TAF4B: variants seen among roughly 807,000 people sequenced by gnomAD.
The protein encoded by TAF4B is transcription initiation factor TFIID subunit 4B.
Under a neutral mutation model 86.4 loss-of-function variants are expected in TAF4B, and 38 were observed. That is an observed-to-expected ratio of 0.44 (90% confidence interval 0.34 to 0.58). The LOEUF (loss-of-function observed/expected upper bound fraction) is 0.58. TAF4B is among the 20% of genes least tolerant of loss of function. The probability of loss-of-function intolerance (pLI) is 0.02; values close to 1 mark genes in which losing one functional copy is unlikely to be tolerated. For missense variants in TAF4B, 988 were observed against 1,027.6 expected (o/e 0.96, Z 0.53); for synonymous variants, 388 against 391.2 (o/e 0.99, Z 0.10).
At chr18:26,388,878 C>T (rs921974798) in intron 14 of TAF4B, among the ~76,000 whole-genome samples, 30 of 152,152 alleles carry the variant, frequency 2.0e-4, no homozygotes, top group Admixed American at 9.8e-4. Context: ...TGCAGTGGCG[C>T]GATCTCAGCT....
At chr18:26,236,153 T>C (rs147069267) in intron 1 of TAF4B, among the ~76,000 whole-genome samples, 124 of 152,316 alleles carry the variant, frequency 8.1e-4, no homozygotes, top group Non-Finnish European at 1.6e-3. Context: ...ATGCAAATAA[T>C]AACTCCAGCT....
chr18:26,242,555 CTT>C (rs762696180), intron 1 of TAF4B, among the ~76,000 whole-genome samples: 6 of 152,094 alleles, frequency 3.9e-5, no homozygotes, highest in Non-Finnish European at 7.4e-5. Flanking sequence ...CAGTCTGTGT[CTT>C]TTAATTGGAA....
intron 1 of TAF4B, among the ~76,000 whole-genome samples, chr18:26,255,003 A>G (rs1424401273): frequency 1.3e-5 from 2 of 152,204 alleles, no homozygotes; most frequent in Non-Finnish European, 1.5e-5. Context: ...GGGCAAGTCC[A>G]TGTTACTGAG....
intron 14 of TAF4B, among the ~76,000 whole-genome samples, chr18:26,362,237 G>A (rs2057337949): frequency 2.6e-5 from 4 of 152,252 alleles, no homozygotes; most frequent in African/African-American, 9.6e-5. Context: ...TGTAAAATGG[G>A]CATATTGCCT....
intron 13 of TAF4B, among the ~76,000 whole-genome samples, chr18:26,353,769 A>G (rs914290269): frequency 1.3e-5 from 2 of 152,254 alleles, no homozygotes; most frequent in African/African-American, 4.8e-5. Context: ...GGAAAGACAA[A>G]TAGATTGGAG....
chr18:26,289,108 G>A (rs549885655), intron 7 of TAF4B, among the ~76,000 whole-genome samples: 54 of 152,206 alleles, frequency 3.5e-4, no homozygotes, highest in African/African-American at 8.4e-4. Flanking sequence ...ATTCTATATG[G>A]TAATGCCATA....
intron 14 of TAF4B, among the ~76,000 whole-genome samples, chr18:26,380,379 A>G (rs572878651): frequency 3.0e-4 from 45 of 152,330 alleles, no homozygotes; most frequent in Non-Finnish European, 6.0e-4. Flanking sequence ...GATATTTCCT[A>G]ACTTCCATCC....
chr18:26,295,809 C>G (rs1352605959), intron 9 of TAF4B, among the ~76,000 whole-genome samples: 1 of 151,948 alleles, frequency 6.6e-6, no homozygotes, highest in Non-Finnish European at 1.5e-5. Context: ...ATCTTTTTGT[C>G]TGAAGAACTT....
intron 14 of TAF4B, among the ~76,000 whole-genome samples, chr18:26,381,168 C>T (rs1369366200): frequency 6.6e-6 from 1 of 151,910 alleles, no homozygotes; most frequent in African/African-American, 2.4e-5. Context: ...GCACACACCA[C>T]CACGCCTGGC....
chr18:26,285,111 G>T (rs535281494), intron 6 of TAF4B, among the ~76,000 whole-genome samples: 2 of 151,076 alleles, frequency 1.3e-5, no homozygotes, highest in Non-Finnish European at 2.9e-5. Flanking sequence ...GGGACTACAG[G>T]CATGCACCAC....
At chr18:26,315,668 A>AT (rs1221051831) in intron 10 of TAF4B, among the ~76,000 whole-genome samples, 6 of 151,070 alleles carry the variant, frequency 4.0e-5, no homozygotes, top group South Asian at 2.1e-4. Context: ...ATAATATACT[A>AT]TTTTTTTTTC....
intron 9 of TAF4B, among the ~76,000 whole-genome samples, chr18:26,312,863 T>C (rs1264126604): frequency 6.6e-6 from 1 of 152,222 alleles, no homozygotes; most frequent in Non-Finnish European, 1.5e-5. Context: ...TTTCTATCTT[T>C]ACTTTTCTTT....
At chr18:26,268,260 T>C (rs966416152) in intron 3 of TAF4B, among the ~76,000 whole-genome samples, 8 of 152,202 alleles carry the variant, frequency 5.3e-5, no homozygotes, top group Non-Finnish European at 2.9e-5. Context: ...GGCTACTCCT[T>C]GCATCACTTG....
intron 14 of TAF4B, among the ~76,000 whole-genome samples, chr18:26,374,012 G>A (rs2144354449): frequency 6.6e-6 from 1 of 152,286 alleles, no homozygotes; most frequent in East Asian, 1.9e-4. Context: ...ATAGATACTT[G>A]TTAAACTGAA....
In TAF4B at chr18:26,335,301, A is replaced by C. The variant is rs528215592; in HGVS notation, c.2316+70A>C. 4 of 1,363,614 alleles carry C rather than the reference A, an allele frequency of 2.9e-6. No individual in the cohort carries two copies. In the South Asian group the frequency reaches 3.5e-5, roughly 12 times the overall value. The allele number at this position is 1,363,614 out of a possible 1,614,324, so 84.5% of individuals were successfully genotyped here. On this transcript the variant is annotated intron_variant, in intron 13 of 14. Coordinates refer to ENST00000269142, the MANE Select transcript of TAF4B (RefSeq NM_005640.3). ...GGTTGGCAGCTCTCTCCTGGCAATT[A>C]GGTCAGGGTTTATTTTGCTGTTGCA...
chr18:26,375,006 A>G (rs1344705725), intron 14 of TAF4B, among the ~76,000 whole-genome samples: 1 of 152,178 alleles, frequency 6.6e-6, no homozygotes, highest in Non-Finnish European at 1.5e-5. Context: ...CTGTGTAATC[A>G]TCCCCACTAT....
At chr18:26,363,056 G>A (rs572630611) in intron 14 of TAF4B, among the ~76,000 whole-genome samples, 2 of 152,090 alleles carry the variant, frequency 1.3e-5, no homozygotes, top group South Asian at 4.2e-4. Flanking sequence ...TTTATATCAG[G>A]GACTTGAGCG....
rs1307734010 is a variant in TAF4B at position 26,325,632 on chromosome 18, TTTAG to T, written c.2134-1381_2134-1378del. ...TTAAAAAGTCTGTGACCCTTTTTAA[TTTAG>T]TATTTGCTGTCCTTTTTAAATTAAA... On this transcript the variant is annotated intron_variant, in intron 11 of 14. Transcript: ENST00000269142. Among the ~76,000 whole-genome samples the T allele has an allele frequency of 3.9e-5, 6 of 152,280 alleles. No homozygotes were observed. The East Asian group carries it at 1.2e-3, about 29-fold the overall frequency.
chr18:26,383,398 A>G (rs764081244), intron 14 of TAF4B, among the ~76,000 whole-genome samples: 7 of 152,222 alleles, frequency 4.6e-5, no homozygotes, highest in Non-Finnish European at 2.9e-5. Flanking sequence ...GGTAGAATAG[A>G]TAAGTGGCAG....
Sources: allele counts gnomAD v4.1 joint callset (sites outside exome capture counted in the v4.1 genomes callset), GRCh38; gene constraint gnomAD v4.1.1; transcripts MANE v1.5; gene names NCBI Gene and HGNC (gene_info 2026-07-23, HGNC 2026-07-21).